COG7: variants seen among roughly 807,000 people sequenced by gnomAD.
COG7 encodes the protein conserved oligomeric Golgi complex subunit 7.
A neutral mutation model predicts 91.5 loss-of-function variants in COG7; 49 were observed. The observed-to-expected ratio is 0.54, with a 90% CI of 0.43 to 0.68. The LOEUF (loss-of-function observed/expected upper bound fraction) is 0.68. COG7 is among the 30% of genes least tolerant of loss of function. COG7 has a pLI of 0.00. For missense variants in COG7, 895 were observed against 961.3 expected (o/e 0.93, Z 0.91); for synonymous variants, 365 against 388.7 (o/e 0.94, Z 0.72).
intron 4 of COG7, among the ~76,000 whole-genome samples, chr16:23,440,133 A>G (rs1964077626): frequency 6.6e-6 from 1 of 152,052 alleles, no homozygotes. Context: ...TCACGCCTGT[A>G]ATACCTGCAC....
rs1389855996 is a variant in COG7 at position 23,445,147 on chromosome 16, G to A, written c.336C>T (p.Asp112=). ...SQSMQVLVEI[D]QVKSRMQLAA... ...CAAGTTGCATTCTGGACTTCACTTG[G>A]TCAATTTCTACCAACACCTGAAAGA... is the stretch of plus-strand genomic sequence containing the variant. Residue 112 remains aspartate (D), a synonymous_variant, in exon 3 of 17, where the codon GAC becomes GAT. Transcript: ENST00000307149. 8 of 1,613,792 alleles carry A rather than the reference G, an allele frequency of 5.0e-6. No homozygotes were observed. In the African/African-American group the frequency reaches 9.3e-5, roughly 19 times the overall value.
chr16:23,400,617 T>G (rs1048555868), intron 13 of COG7, among the ~76,000 whole-genome samples: 7 of 150,012 alleles, frequency 4.7e-5, no homozygotes, highest in Admixed American at 4.6e-4. Context: ...ACAGCTGGAG[T>G]GGGAAAGAAG....
At chr16:23,432,050 G>A (rs1456238790) in intron 6 of COG7, among the ~76,000 whole-genome samples, 1 of 151,998 alleles carries the variant, frequency 6.6e-6, no homozygotes, top group African/African-American at 2.4e-5. Flanking sequence ...GAAAGGCTCA[G>A]GCAGGAGGAC....
chr16:23,433,949 A>G (rs1963974080), intron 5 of COG7, among the ~76,000 whole-genome samples: 1 of 152,000 alleles, frequency 6.6e-6, no homozygotes, highest in African/African-American at 2.4e-5. Context: ...GCACACCATC[A>G]CTCTTCTGAA....
intron 13 of COG7, among the ~76,000 whole-genome samples, chr16:23,402,014 G>A (rs1243249305): frequency 6.6e-6 from 1 of 152,142 alleles, no homozygotes; most frequent in Non-Finnish European, 1.5e-5. Context: ...CCAAGATTGT[G>A]CCACTGCATT....
At chr16:23,448,009 A>C (rs1457499142) in intron 1 of COG7, among the ~76,000 whole-genome samples, 1 of 152,192 alleles carries the variant, frequency 6.6e-6, no homozygotes, top group Non-Finnish European at 1.5e-5. Flanking sequence ...TATTTTTAGA[A>C]CCTAGAAAAG....
At chr16:23,413,965 G>A (rs74568564) in intron 9 of COG7, 278 of 195,832 alleles carry the variant, frequency 1.4e-3, no homozygotes, top group African/African-American at 6.0e-3. Context: ...CTGGGATAAC[G>A]TAAGGAAGGT....
intron 4 of COG7, among the ~76,000 whole-genome samples, chr16:23,440,543 T>C (rs1270222792): frequency 6.6e-6 from 1 of 151,644 alleles, no homozygotes; most frequent in African/African-American, 2.4e-5. Flanking sequence ...TCTCACTCTG[T>C]CACTCCTGGG....
chr16:23,413,135 AT>A (rs1266319208), intron 10 of COG7: 3 of 343,448 alleles, frequency 8.7e-6, no homozygotes, highest in Non-Finnish European at 1.7e-5. Context: ...TTTTAGGTCT[AT>A]AAAAACTATA....
chr16:23,403,965 G>A (rs925609154), intron 12 of COG7, 131 bp from the exon 13 acceptor site: 5 of 994,624 alleles, frequency 5.0e-6, no homozygotes, highest in Non-Finnish European at 7.6e-6. Flanking sequence ...ACCTGGCTGT[G>A]CCCCAGGCCC....
chr16:23,446,078 C>T (rs1174732905), intron 1 of COG7, 117 bp from the exon 2 acceptor site: 95 of 1,249,686 alleles, frequency 7.6e-5, no homozygotes, highest in South Asian at 3.1e-4. Context: ...AGGAAATGCA[C>T]GACCAACCAA....
intron 15 of COG7, 108 bp from the exon 16 acceptor site, chr16:23,392,631 A>T (rs954227303): frequency 7.4e-7 from 1 of 1,350,344 alleles, no homozygotes. Context: ...AGGAAACCGA[A>T]AACAGTTACA....
chr16:23,443,139 T>C (rs932634382), intron 3 of COG7, among the ~76,000 whole-genome samples: 29 of 152,132 alleles, frequency 1.9e-4, no homozygotes, highest in Admixed American at 1.4e-3. Context: ...AAAATTATAA[T>C]AGCTATTGTT....
rs761276726 is a variant in COG7, at chr16:23,417,158, T to C, written c.1138-37A>G. The C allele has an allele frequency of 2.9e-5, 46 of 1,611,422 alleles. No individual in the cohort carries two copies. The East Asian group carries it at 1.0e-3, about 35-fold the overall frequency. On this transcript the variant is annotated intron_variant, in intron 8 of 16. Coordinates refer to ENST00000307149, the MANE Select transcript of COG7 (RefSeq NM_153603.4). The stretch of plus-strand genomic sequence containing the variant: ...ATACAGACAAAGCTGCATTAGGCTT[T>C]AGAACAGACAATGCTGAGATAGGGG...
chr16:23,405,163 G>C (rs1467835395), intron 12 of COG7, among the ~76,000 whole-genome samples: 1 of 152,164 alleles, frequency 6.6e-6, no homozygotes. Flanking sequence ...CGTTATGGCA[G>C]GCAAACTAAG....
chr16:23,399,380 G>C (rs1419293923), intron 13 of COG7, among the ~76,000 whole-genome samples: 8 of 152,124 alleles, frequency 5.3e-5, no homozygotes, highest in Admixed American at 5.2e-4. Flanking sequence ...CCAATCCAGC[G>C]AGAAGGAACA....
intron 14 of COG7, among the ~76,000 whole-genome samples, chr16:23,396,403 GC>G (rs1241031989): frequency 3.3e-5 from 5 of 152,120 alleles, no homozygotes; most frequent in Admixed American, 2.6e-4. Flanking sequence ...ATTCAGCCGG[GC>G]ACAGTGACTC....
chr16:23,407,307 A>C (rs1963478255), intron 11 of COG7, among the ~76,000 whole-genome samples: 1 of 152,194 alleles, frequency 6.6e-6, no homozygotes, highest in Non-Finnish European at 1.5e-5. Flanking sequence ...CTTATCTGTC[A>C]AACTGTGGCC....
At chr16:23,393,804 G>GGC (rs1292383833) in intron 14 of COG7, among the ~76,000 whole-genome samples, 1 of 152,076 alleles carries the variant, frequency 6.6e-6, no homozygotes, top group Non-Finnish European at 1.5e-5. Context: ...CACTTTGGGA[G>GGC]GCCGAGGCGG....
Sources: allele counts gnomAD v4.1 joint callset (sites outside exome capture counted in the v4.1 genomes callset), GRCh38; gene constraint gnomAD v4.1.1; transcripts MANE v1.5; gene names NCBI Gene and HGNC (gene_info 2026-07-23, HGNC 2026-07-21).